FTO: variants seen among roughly 807,000 people sequenced by gnomAD.
FTO encodes the protein FTO alpha-ketoglutarate dependent dioxygenase, also known as alpha-ketoglutarate-dependent dioxygenase FTO.
In FTO, 47 loss-of-function variants were observed where a neutral mutation model predicts 63.9. The observed-to-expected ratio is 0.74, with a 90% CI of 0.58 to 0.94. The LOEUF is 0.94. Ranked by LOEUF, FTO falls within the 40% of genes least tolerant of loss-of-function variation. The probability of loss-of-function intolerance (pLI) is 0.00; values close to 1 mark genes in which losing one functional copy is unlikely to be tolerated. For missense variants in FTO, 562 were observed against 618.1 expected (o/e 0.91, Z 0.96); for synonymous variants, 207 against 224.4 (o/e 0.92, Z 0.69).
At chr16:53,921,580 G>A (rs1365280443) in intron 7 of FTO, among the ~76,000 whole-genome samples, 1 of 151,990 alleles carries the variant, frequency 6.6e-6, no homozygotes, top group Non-Finnish European at 1.5e-5. Flanking sequence ...GAGAGTTCTT[G>A]CTTTTATTTA....
At chr16:54,101,543 T>C (rs1430684502) in intron 8 of FTO, among the ~76,000 whole-genome samples, 2 of 152,190 alleles carry the variant, frequency 1.3e-5, no homozygotes, top group African/African-American at 4.8e-5. Flanking sequence ...GGTGTGTATA[T>C]TTTCTTTATT....
At chr16:54,067,340 C>T (rs1386363594) in intron 8 of FTO, among the ~76,000 whole-genome samples, 2 of 152,196 alleles carry the variant, frequency 1.3e-5, no homozygotes, top group African/African-American at 4.8e-5. Context: ...TTATTTATGG[C>T]TCAGAGAAAT....
chr16:53,988,121 G>T (rs545509901), intron 8 of FTO, among the ~76,000 whole-genome samples: 2 of 152,250 alleles, frequency 1.3e-5, no homozygotes, highest in South Asian at 4.2e-4. Context: ...ACAAAATTTG[G>T]ACTGTCTGGA....
chr16:53,965,939 C>T (rs1439934695), intron 8 of FTO: 2 of 151,514 alleles, frequency 1.3e-5, no homozygotes, highest in Non-Finnish European at 2.9e-5. Flanking sequence ...ACGATCTCGG[C>T]TCACTGCAAC....
chr16:53,987,157 G>A (rs1165050208), intron 8 of FTO, among the ~76,000 whole-genome samples: 2 of 152,088 alleles, frequency 1.3e-5, no homozygotes, highest in African/African-American at 4.8e-5. Flanking sequence ...ACAGAGCACT[G>A]TGCCATTATT....
At chr16:53,757,741 C>A (rs1077128) in intron 1 of FTO, among the ~76,000 whole-genome samples, 43,907 of 151,926 alleles carry the variant, frequency 0.29, 8,256 homozygotes, top group African/African-American at 0.54. Context: ...ATTTTCTGTC[C>A]CTATGGGAAT....
intron 7 of FTO, among the ~76,000 whole-genome samples, chr16:53,890,556 C>T (rs944012920): frequency 8.5e-5 from 13 of 152,198 alleles, no homozygotes; most frequent in African/African-American, 2.9e-4. Flanking sequence ...GCTTTCCAGA[C>T]ATCTCAAATC....
chr16:53,713,020 A>G (rs1225568758), intron 1 of FTO, among the ~76,000 whole-genome samples: 1 of 151,838 alleles, frequency 6.6e-6, no homozygotes, highest in Non-Finnish European at 1.5e-5. Flanking sequence ...CACATGGTAG[A>G]TATTCCATAC....
rs139180720 is a variant in FTO, at chr16:53,842,448, G to T, written c.752-1707G>T. ...AAAGTTTTTATGTAGAGTTATTCCT[G>T]CAGGGCTGTGATTATAGGCAAATCA... On this transcript the variant is annotated intron_variant, in intron 3 of 8. Coordinates refer to ENST00000471389, the MANE Select transcript of FTO (RefSeq NM_001080432.3). 4.7e-4 allele frequency among the ~76,000 whole-genome samples: 71 copies of T among 152,254 alleles called. 1 individual carries two copies. Among genetic ancestry groups the T allele is most frequent in the African/African-American group, 1.6e-3 (65 of 41,544 alleles).
At chr16:53,894,632 T>TTTTG (rs1555490319) in intron 7 of FTO, among the ~76,000 whole-genome samples, 13 of 150,764 alleles carry the variant, frequency 8.6e-5, no homozygotes, top group Non-Finnish European at 1.6e-4. Context: ...TCACCAATTT[T>TTTTG]TGTGTGTGTG....
In FTO at chr16:53,984,321, C is replaced by CCTTTTTTTTTTTTT. The variant is rs1555500067; in HGVS notation, c.1364+50212_1364+50213insCTTTTTTTTTTTTT. Among the ~76,000 whole-genome samples, 3 of 67,290 alleles carry CCTTTTTTTTTTTTT rather than the reference C, an allele frequency of 4.5e-5. 1 individual carries two copies. Among genetic ancestry groups the CCTTTTTTTTTTTTT allele is most frequent in the African/African-American group, 1.7e-4 (3 of 17,956 alleles). The allele number at this position is 67,290 out of a possible 152,430, so 44.1% of individuals were successfully genotyped here. On this transcript the variant is annotated intron_variant, in intron 8 of 8. Coordinates refer to ENST00000471389, the MANE Select transcript of FTO (RefSeq NM_001080432.3). ...CCTCTATCCCTCCCTTGGAATGGGT[C>CCTTTTTTTTTTTTT]TTTTTTTTTTTTTTTTTTTTTTTTT... is the stretch of plus-strand genomic sequence containing the variant.
chr16:53,894,766 T>C (rs192129608), intron 7 of FTO, among the ~76,000 whole-genome samples: 183 of 152,260 alleles, frequency 1.2e-3, no homozygotes, highest in Admixed American at 1.8e-3. Flanking sequence ...CAGAGTATAT[T>C]ATAGTAATTT....
intron 4 of FTO, among the ~76,000 whole-genome samples, chr16:53,844,910 G>C (rs1250743351): frequency 7.7e-6 from 1 of 130,710 alleles, no homozygotes; most frequent in Non-Finnish European, 1.7e-5. Flanking sequence ...TTAGTAGTGA[G>C]AGTTTTTTTT....
intron 1 of FTO, among the ~76,000 whole-genome samples, chr16:53,730,270 A>G (rs992015225): frequency 6.6e-6 from 1 of 152,208 alleles, no homozygotes; most frequent in African/African-American, 2.4e-5. Flanking sequence ...GAACACCAGG[A>G]TATAGTGTCA....
At chr16:53,958,619 G>C (rs879576324) in intron 8 of FTO, among the ~76,000 whole-genome samples, 9 of 152,316 alleles carry the variant, frequency 5.9e-5, no homozygotes, top group African/African-American at 1.9e-4. Flanking sequence ...CCAGGCTTAG[G>C]GGGTGTGACC....
At chr16:53,925,200 C>T (rs2082110491) in intron 7 of FTO, among the ~76,000 whole-genome samples, 1 of 152,092 alleles carries the variant, frequency 6.6e-6, no homozygotes, top group African/African-American at 2.4e-5. Flanking sequence ...CTGATAACAT[C>T]TTAAACCAAG....
intron 1 of FTO, among the ~76,000 whole-genome samples, chr16:53,768,220 C>T (rs2077255488): frequency 6.6e-6 from 1 of 152,148 alleles, no homozygotes; most frequent in Non-Finnish European, 1.5e-5. Flanking sequence ...ACCTGACATC[C>T]TTTGATCCTT....
chr16:54,084,542 C>T (rs1431258997), intron 8 of FTO, among the ~76,000 whole-genome samples: 1 of 152,186 alleles, frequency 6.6e-6, no homozygotes, highest in East Asian at 1.9e-4. Context: ...TTTTCTTTGT[C>T]TCTCTGCGTT....
chr16:54,059,027 T>C (rs1297620092), intron 8 of FTO, among the ~76,000 whole-genome samples: 1 of 152,210 alleles, frequency 6.6e-6, no homozygotes, highest in African/African-American at 2.4e-5. Context: ...ATATTTTGTA[T>C]CAGCTCAGCC....
Sources: gnomAD v4.1 joint callset for allele counts (sites outside exome capture counted in the v4.1 genomes callset) on GRCh38, gnomAD v4.1.1 for gene constraint, MANE v1.5 for transcripts, NCBI Gene and HGNC (gene_info 2026-07-23, HGNC 2026-07-21) for gene names.